Variants in RGS22 observed in about 807,000 individuals in gnomAD.
RGS22 encodes the protein regulator of G-protein signaling 22.
RGS22 carries 148 observed loss-of-function variants against 172.9 expected under a neutral mutation model. The ratio of observed to expected loss-of-function variants is 0.86; its 90% confidence interval spans 0.75 to 0.98. The LOEUF is 0.98. Ranked by LOEUF, RGS22 falls within the 50% of genes least tolerant of loss-of-function variation. The probability of loss-of-function intolerance (pLI) is 0.00; values close to 1 mark genes in which losing one functional copy is unlikely to be tolerated. For synonymous variants in RGS22, 458 were observed against 480.2 expected (o/e 0.95, Z 0.60); for missense variants, 1,347 against 1,440.8 (o/e 0.93, Z 1.05).
chr8:99,989,853 TAGACAGAC>T (rs1213124347), intron 20 of RGS22, among the ~76,000 whole-genome samples: 10 of 131,090 alleles, frequency 7.6e-5, no homozygotes, highest in Admixed American at 7.3e-4. Context: ...TCTAGATAGA[TAGACAGAC>T]AGATAGATAG....
At chr8:100,044,789 G>T (rs376799733) in intron 11 of RGS22, among the ~76,000 whole-genome samples, 1 of 151,958 alleles carries the variant, frequency 6.6e-6, no homozygotes, top group Admixed American at 6.6e-5. Flanking sequence ...ACCCACTGAA[G>T]TGTAATGCTT....
chr8:99,971,373 C>T (rs1344388318), intron 23 of RGS22, among the ~76,000 whole-genome samples: 2 of 152,142 alleles, frequency 1.3e-5, no homozygotes, highest in East Asian at 1.9e-4. Context: ...GAAGTTCTGG[C>T]GAGGGCAATC....
At chr8:100,008,711 T>C (rs1243314344) in intron 14 of RGS22, 142 bp from the exon 15 acceptor site, 2 of 594,872 alleles carry the variant, frequency 3.4e-6, no homozygotes, top group Middle Eastern at 4.2e-4. Flanking sequence ...TGGGTAAAAC[T>C]ACTTAACACG....
intron 3 of RGS22, among the ~76,000 whole-genome samples, chr8:100,082,296 G>T (rs1457208550): frequency 2.0e-5 from 3 of 152,006 alleles, no homozygotes; most frequent in Non-Finnish European, 4.4e-5. Flanking sequence ...TGTTGCAGGG[G>T]TTTGGCATAC....
At chr8:100,011,105 T>C (rs1291593012) in intron 14 of RGS22, among the ~76,000 whole-genome samples, 1 of 152,084 alleles carries the variant, frequency 6.6e-6, no homozygotes, top group Non-Finnish European at 1.5e-5. Context: ...ATTTTAGGCT[T>C]CAAGTAGGTA....
At chr8:100,098,715 C>T (rs1813177140) in intron 2 of RGS22, among the ~76,000 whole-genome samples, 1 of 151,778 alleles carries the variant, frequency 6.6e-6, no homozygotes. Flanking sequence ...CCTTCTTCTT[C>T]TCTTCTATTC....
At position 100,093,337 on chromosome 8, in the gene RGS22, AT is replaced by A. The variant is rs1002369423; in HGVS notation, c.117+109del. 39 of 635,144 alleles carry A rather than the reference AT, an allele frequency of 6.1e-5. 1 individual carries two copies. Among genetic ancestry groups the A allele is most frequent in the African/African-American group, 3.8e-5 (2 of 52,506 alleles). The allele number at this position is 635,144 out of a possible 1,614,324, so 39.3% of individuals were successfully genotyped here. A position where few individuals can be genotyped will look rare whatever the true frequency, so the allele number is the denominator to read the frequency against. ...AAAACCTTTACCTAAATGCTTTAAT[AT>A]TTTTTTAAAAAGCATTATCCCTGAT... On this transcript the variant is annotated intron_variant, in intron 3 of 27. Coordinates refer to ENST00000360863, the MANE Select transcript of RGS22 (RefSeq NM_015668.5).
At chr8:100,090,034 T>C (rs1173177766) in intron 3 of RGS22, among the ~76,000 whole-genome samples, 1 of 152,198 alleles carries the variant, frequency 6.6e-6, no homozygotes, top group Non-Finnish European at 1.5e-5. Context: ...TTATCCTCTA[T>C]ATTGACCATC....
intron 14 of RGS22, among the ~76,000 whole-genome samples, chr8:100,022,819 G>T (rs1327700332): frequency 6.6e-6 from 1 of 151,932 alleles, no homozygotes; most frequent in Non-Finnish European, 1.5e-5. Flanking sequence ...AGTCTCAGCT[G>T]ACTGCAACCT....
At chr8:100,094,052 C>T (rs572805310) in intron 2 of RGS22, among the ~76,000 whole-genome samples, 1 of 152,296 alleles carries the variant, frequency 6.6e-6, no homozygotes, top group South Asian at 2.1e-4. Flanking sequence ...TTCACTTTTG[C>T]ACGAGGAAAG....
At chr8:100,012,955 T>C (rs750226314) in intron 14 of RGS22, among the ~76,000 whole-genome samples, 32 of 151,394 alleles carry the variant, frequency 2.1e-4, no homozygotes, top group Non-Finnish European at 3.4e-4. Flanking sequence ...AGTTCTCATA[T>C]AGAAATCAGG....
chr8:99,971,106 A>G (rs1588875570), intron 23 of RGS22, among the ~76,000 whole-genome samples: 2 of 152,212 alleles, frequency 1.3e-5, no homozygotes, highest in East Asian at 3.8e-4. Flanking sequence ...CCACCACATA[A>G]ACAGAACCAA....
At chr8:100,088,723 G>C (rs1180034299) in intron 3 of RGS22, among the ~76,000 whole-genome samples, 1 of 152,126 alleles carries the variant, frequency 6.6e-6, no homozygotes, top group Non-Finnish European at 1.5e-5. Context: ...GTGTCCCAAG[G>C]GTATAATGGT....
chr8:100,004,193 G>C, intron 16 of RGS22, 95 bp from the exon 17 acceptor site: 2 of 1,387,292 alleles, frequency 1.4e-6, no homozygotes, highest in Non-Finnish European at 1.9e-6. Context: ...CAACCATTAG[G>C]CCAAAGCCAT....
intron 14 of RGS22, among the ~76,000 whole-genome samples, chr8:100,016,161 G>C (rs1369164083): frequency 6.6e-6 from 1 of 152,160 alleles, no homozygotes; most frequent in Non-Finnish European, 1.5e-5. Context: ...TAGGTGATAA[G>C]AAACAGACAT....
chr8:99,976,424 C>T (rs1346462304), intron 23 of RGS22, among the ~76,000 whole-genome samples: 1 of 152,044 alleles, frequency 6.6e-6, no homozygotes, highest in Non-Finnish European at 1.5e-5. Context: ...TGCAGTGGCG[C>T]CATCTCGGCT....
intron 2 of RGS22, among the ~76,000 whole-genome samples, chr8:100,097,522 C>T (rs114728206): frequency 8.3e-4 from 126 of 152,286 alleles, no homozygotes; most frequent in African/African-American, 2.9e-3. Context: ...GTAGGTATAT[C>T]AGTGTTCACT....
intron 20 of RGS22, among the ~76,000 whole-genome samples, chr8:99,995,161 C>G (rs1347152908): frequency 6.6e-6 from 1 of 152,132 alleles, no homozygotes; most frequent in Non-Finnish European, 1.5e-5. Context: ...ACCATAAAAA[C>G]CCTAGAAGAA....
chr8:100,004,405 G>T (rs954702288), intron 16 of RGS22, among the ~76,000 whole-genome samples: 2 of 151,876 alleles, frequency 1.3e-5, no homozygotes, highest in African/African-American at 4.8e-5. Context: ...GAAGTAAAAT[G>T]TCTTTTGTAA....
Sources: gnomAD v4.1 joint callset for allele counts (sites outside exome capture counted in the v4.1 genomes callset) on GRCh38, gnomAD v4.1.1 for gene constraint, MANE v1.5 for transcripts, NCBI Gene and HGNC (gene_info 2026-07-23, HGNC 2026-07-21) for gene names.